PBLD: variants seen among roughly 807,000 people sequenced by gnomAD.
The protein encoded by PBLD is phenazine biosynthesis-like domain-containing protein.
In PBLD, 26 loss-of-function variants were observed where a neutral mutation model predicts 31.3. The ratio of observed to expected loss-of-function variants is 0.83; its 90% CI spans 0.61 to 1.15. The LOEUF (loss-of-function observed/expected upper bound fraction) is 1.15. Among genes scored for constraint, PBLD ranks in the 50% most tolerant of loss-of-function variants. PBLD has a pLI of 0.00. For missense variants in PBLD, 307 were observed against 351.7 expected, an observed-to-expected ratio of 0.87 and a Z score of 1.02; for synonymous variants, 114 against 129.0, an observed-to-expected ratio of 0.88 and a Z score of 0.79.
intron 2 of PBLD, among the ~76,000 whole-genome samples, chr10:68,298,757 TACACACAC>T (rs57358655): frequency 0.035 from 5,125 of 147,242 alleles, 127 homozygotes; most frequent in Non-Finnish European, 0.047. Context: ...TGCATACGAA[TACACACAC>T]ACACACACAC....
chr10:68,291,861 A>T (rs1177656634), intron 6 of PBLD, 149 bp downstream of exon 6: 7 of 910,318 alleles, frequency 7.7e-6, no homozygotes, highest in Non-Finnish European at 1.1e-5. Flanking sequence ...CAACCTTCTC[A>T]CCAAATAGAC....
chr10:68,283,879 TGG>T lies in PBLD; in HGVS notation c.*296_*297del. The T allele has an allele frequency of 3.8e-6, 1 of 263,698 alleles. No individual in the cohort carries two copies. Among genetic ancestry groups the T allele is most frequent in the Non-Finnish European group, 7.4e-6 (1 of 135,010 alleles). 16.3% of individuals were successfully genotyped at this position (263,698 alleles called of 1,614,324 possible). On this transcript the variant is annotated 3_prime_UTR_variant, in exon 10 of 10. Coordinates refer to ENST00000358769, the MANE Select transcript of PBLD (RefSeq NM_022129.4). ...TCCATGCCTCAGCCTCCCAAGTAGCTGGAATTACAGGCATGTGGCACCACACC... is the reference window on the plus strand; with the variant it reads ...TCCATGCCTCAGCCTCCCAAGTAGCTAATTACAGGCATGTGGCACCACACC...
chr10:68,294,296 T>G (rs570112740), intron 4 of PBLD, among the ~76,000 whole-genome samples: 1 of 152,152 alleles, frequency 6.6e-6, no homozygotes, highest in Non-Finnish European at 1.5e-5. Context: ...CCTTCTCTGG[T>G]GGGTGCTGAT....
intron 4 of PBLD, among the ~76,000 whole-genome samples, chr10:68,294,784 A>G (rs1161132307): frequency 1.3e-5 from 2 of 151,996 alleles, no homozygotes; most frequent in Non-Finnish European, 2.9e-5. Flanking sequence ...CTGGAGTGCA[A>G]TGGCACAATC....
At chr10:68,318,046 G>T (rs1023606676) in intron 1 of PBLD, among the ~76,000 whole-genome samples, 17 of 151,906 alleles carry the variant, frequency 1.1e-4, no homozygotes, top group Admixed American at 6.6e-4. Flanking sequence ...GATAACACAG[G>T]GAAACCCCGT....
chr10:68,317,599 G>C (rs6480325), intron 1 of PBLD, among the ~76,000 whole-genome samples: 34,990 of 151,464 alleles, frequency 0.23, 4,940 homozygotes, highest in African/African-American at 0.35. Context: ...AGTTTGAGAC[G>C]AGCCTGGGCA....
chr10:68,308,924 G>T (rs925802134), intron 1 of PBLD, among the ~76,000 whole-genome samples: 2 of 146,312 alleles, frequency 1.4e-5, no homozygotes, highest in African/African-American at 2.5e-5. Context: ...TTTTAATCTT[G>T]GTTCCATTTA....
At chr10:68,329,271 G>A (rs1005232318) in intron 1 of PBLD, among the ~76,000 whole-genome samples, 1 of 152,110 alleles carries the variant, frequency 6.6e-6, no homozygotes, top group Non-Finnish European at 1.5e-5. Context: ...TCCTGAGTAT[G>A]CACACTGGCA....
chr10:68,329,675 T>C (rs1408443920), intron 1 of PBLD, among the ~76,000 whole-genome samples: 1 of 152,120 alleles, frequency 6.6e-6, no homozygotes, highest in Admixed American at 6.5e-5. Flanking sequence ...TCAGTGATAA[T>C]GGGACTATAA....
chr10:68,290,140 G>GC lies in PBLD; in HGVS notation c.424-1122dup, dbSNP rs768752065. ...ACCACCAAGTCATCCTTTGGCACCA[G>GC]CCCCAGCTGCCAGGCCCAGCAGATG... is the stretch of plus-strand genomic sequence containing the variant. On this transcript the variant is annotated intron_variant, in intron 6 of 9. Coordinates refer to ENST00000358769, the MANE Select transcript of PBLD (RefSeq NM_022129.4). Among the ~76,000 whole-genome samples, 54 of 152,252 alleles carry GC rather than the reference G, an allele frequency of 3.5e-4. 2 individuals are homozygous for GC. Among genetic ancestry groups the GC allele is most frequent in the Non-Finnish European group, 7.2e-4 (49 of 68,006 alleles).
At chr10:68,297,185 G>T in intron 2 of PBLD, 200 bp from the exon 3 acceptor site, 1 of 579,976 alleles carries the variant, frequency 1.7e-6, no homozygotes, top group East Asian at 2.9e-5. Context: ...CTGTGAAGAA[G>T]GGTTATAAAT....
At chr10:68,304,858 G>A (rs2044555075) in intron 2 of PBLD, among the ~76,000 whole-genome samples, 1 of 152,202 alleles carries the variant, frequency 6.6e-6, no homozygotes, top group Non-Finnish European at 1.5e-5. Context: ...GAAAGGTCAT[G>A]ACTTGGAATC....
chr10:68,312,755 G>T (rs1365166509), intron 1 of PBLD, among the ~76,000 whole-genome samples: 4 of 51,936 alleles, frequency 7.7e-5, no homozygotes, highest in East Asian at 1.1e-3. Flanking sequence ...TACTACAGGC[G>T]CCCGCCACCA....
At chr10:68,316,715 A>G (rs540090173) in intron 1 of PBLD, among the ~76,000 whole-genome samples, 1 of 152,332 alleles carries the variant, frequency 6.6e-6, no homozygotes, top group East Asian at 1.9e-4. Context: ...AACTGCAGAA[A>G]GAAAATGACT....
At chr10:68,330,423 T>C (rs984996645) in intron 1 of PBLD, among the ~76,000 whole-genome samples, 2 of 152,104 alleles carry the variant, frequency 1.3e-5, no homozygotes, top group Admixed American at 6.5e-5. Flanking sequence ...AAGTTGAAAG[T>C]CTTTTGGCCG....
rs1308958343 is a variant in PBLD at position 68,306,642 on chromosome 10, T to C, written c.84+119A>G. 1.2e-5 allele frequency: 11 copies of C among 892,066 alleles called. No homozygotes were observed. The African/African-American group carries it at 1.4e-4, about 11-fold the overall frequency. The allele number at this position is 892,066 out of a possible 1,614,324, so 55.3% of individuals were successfully genotyped here. ...GCATACATGAACATTACTGATATGA[T>C]GGCAAAGAACACAAACCAAAGAGGT... On this transcript the variant is annotated intron_variant, in intron 2 of 9. Coordinates refer to ENST00000358769, the MANE Select transcript of PBLD (RefSeq NM_022129.4).
At chr10:68,292,323 G>C in intron 4 of PBLD, 85 bp from the exon 5 acceptor site, 1 of 1,186,890 alleles carries the variant, frequency 8.4e-7, no homozygotes, top group Non-Finnish European at 1.2e-6. Context: ...CATTGTCTTA[G>C]ATTTTCTGGC....
At chr10:68,318,579 C>T (rs2044770419) in intron 1 of PBLD, among the ~76,000 whole-genome samples, 1 of 150,708 alleles carries the variant, frequency 6.6e-6, no homozygotes, top group African/African-American at 2.4e-5. Flanking sequence ...TATATTGATG[C>T]CCATAAAATG....
At chr10:68,301,636 A>T (rs185341972) in intron 2 of PBLD, among the ~76,000 whole-genome samples, 1 of 152,080 alleles carries the variant, frequency 6.6e-6, no homozygotes, top group East Asian at 1.9e-4. Context: ...CCTCTATATG[A>T]TCTGGCGAAA....
Sources: gnomAD v4.1 joint callset for allele counts (sites outside exome capture counted in the v4.1 genomes callset) on GRCh38, gnomAD v4.1.1 for gene constraint, MANE v1.5 for transcripts, NCBI Gene and HGNC (gene_info 2026-07-23, HGNC 2026-07-21) for gene names.